HDAC4: variants seen among roughly 807,000 people sequenced by gnomAD.
HDAC4 encodes the protein histone deacetylase A.
A neutral mutation model predicts 135.1 loss-of-function variants in HDAC4; 16 were observed. The observed-to-expected ratio is 0.12, with a 90% CI of 0.08 to 0.18. The LOEUF (loss-of-function observed/expected upper bound fraction) is 0.18, where lower values mean the gene tolerates loss of function less well. Among genes scored for constraint, HDAC4 ranks in the 10% least tolerant of loss-of-function variants. The pLI is 1.00. For synonymous variants in HDAC4, 685 were observed against 653.4 expected, an observed-to-expected ratio of 1.05 and a Z score of -0.74; for missense variants, 1,143 against 1,511.8, an observed-to-expected ratio of 0.76 and a Z score of 4.05.
intron 19 of HDAC4, among the ~76,000 whole-genome samples, chr2:239,085,562 A>C (rs1574964066): frequency 6.6e-6 from 1 of 152,222 alleles, no homozygotes; most frequent in Admixed American, 6.5e-5. Flanking sequence ...ACTCAGGTTC[A>C]AATTAGAAAA....
intron 2 of HDAC4, among the ~76,000 whole-genome samples, chr2:239,328,757 C>A (rs554426548): frequency 6.6e-6 from 1 of 152,190 alleles, no homozygotes; most frequent in Non-Finnish European, 1.5e-5. Context: ...ACCTCTCGGG[C>A]GCCCGCTGGC....
At position 239,052,487 on chromosome 2, in the gene HDAC4, C is replaced by CTGTT. The variant is rs1211550260; in HGVS notation, c.*606_*609dup. ...AAGCCAGCTCCCCCAGCTCACATTC[C>CTGTT]TGTTTCTGTCCAGTTTTGTTTTCTT... On this transcript the variant is annotated 3_prime_UTR_variant, in exon 27 of 27. Transcript: ENST00000543185. 5 of 152,894 alleles carry CTGTT rather than the reference C, an allele frequency of 3.3e-5. No homozygotes were observed. Among genetic ancestry groups the CTGTT allele is most frequent in the African/African-American group, 1.2e-4 (5 of 41,456 alleles). The allele number at this position is 152,894 out of a possible 1,614,324, so 9.5% of individuals were successfully genotyped here. A position where few individuals can be genotyped will look rare whatever the true frequency, so the allele number is the denominator to read the frequency against.
rs186439681 is a variant in HDAC4 at position 239,169,255 on chromosome 2, C to A, written c.491-5332G>T. 2.2e-3 allele frequency among the ~76,000 whole-genome samples: 338 copies of A among 152,310 alleles called. 3 individuals carry two copies. Among genetic ancestry groups the A allele is most frequent in the African/African-American group, 7.7e-3 (322 of 41,568 alleles). ...CCAAAGAAAAATACATAGGATACAC[C>A]CTGGGCTACCGGCGAACCACAGAAG... On this transcript the variant is annotated intron_variant, in intron 5 of 26. Coordinates refer to ENST00000543185, the MANE Select transcript of HDAC4 (RefSeq NM_001378414.1).
chr2:239,348,118 C>T (rs866486321), intron 2 of HDAC4, among the ~76,000 whole-genome samples: 2 of 150,626 alleles, frequency 1.3e-5, no homozygotes, highest in Admixed American at 6.6e-5. Context: ...AGCATCATCC[C>T]GGTGACCACA....
Position 239,054,784 on chromosome 2 carries a change from G to A in HDAC4, c.3053C>T (p.Ala1018Val). The change falls in exon 25 of 27, where the codon GCT (alanine) becomes GTT (valine). Residue 1018 changes from alanine (A) to valine (V), a missense_variant. Ala to Val is a moderately conservative substitution (Grantham distance 64). Transcript: ENST00000543185. The stretch of plus-strand genomic sequence containing the variant: ...CATGACTTTCTCCATGGAACGGACA[G>A]CGTTTGCATTGGGTCTTTGCTGTAA... Reference protein sequence around the residue: ...KVLQQRPNANAVRSMEKVMEI... With the variant: ...KVLQQRPNANVVRSMEKVMEI... 1 of 1,613,686 alleles carries A rather than the reference G, an allele frequency of 6.2e-7. No individual in the cohort carries two copies. The highest frequency in any genetic ancestry group is 8.5e-7 in the Non-Finnish European group (1 of 1,179,622).
chr2:239,086,368 G>A (rs1047693943), intron 19 of HDAC4, among the ~76,000 whole-genome samples: 27 of 144,374 alleles, frequency 1.9e-4, no homozygotes, highest in African/African-American at 5.9e-4. Flanking sequence ...TGTACATGAA[G>A]GAGAATCTGC....
chr2:239,066,636 C>T, intron 24 of HDAC4, 86 bp downstream of exon 24: 13 of 1,596,382 alleles, frequency 8.1e-6, no homozygotes, highest in Non-Finnish European at 1.1e-5. Flanking sequence ...CTGGCTTTTT[C>T]ATGCTCTGGG....
At chr2:239,345,244 C>T (rs1692533463) in intron 2 of HDAC4, among the ~76,000 whole-genome samples, 1 of 152,092 alleles carries the variant, frequency 6.6e-6, no homozygotes, top group African/African-American at 2.4e-5. Flanking sequence ...CCTTTTCTGC[C>T]CCTTAAAACT....
At chr2:239,200,301 C>G (rs115331693) in intron 3 of HDAC4, among the ~76,000 whole-genome samples, 1 of 152,206 alleles carries the variant, frequency 6.6e-6, no homozygotes, top group Non-Finnish European at 1.5e-5. Context: ...ATTCCAAACG[C>G]TGACTTACAT....
intron 12 of HDAC4, among the ~76,000 whole-genome samples, chr2:239,125,999 T>C (rs912193615): frequency 4.6e-5 from 7 of 152,258 alleles, no homozygotes; most frequent in African/African-American, 1.7e-4. Context: ...CCGGATGGCC[T>C]GGGAGATGGG....
At chr2:239,372,922 G>A (rs116906474) in intron 1 of HDAC4, among the ~76,000 whole-genome samples, 251 of 152,108 alleles carry the variant, frequency 1.7e-3, no homozygotes, top group East Asian at 6.2e-3. Flanking sequence ...AGCATCTTCC[G>A]TTTCTCATTC....
chr2:239,271,203 T>A (rs2050040463), intron 2 of HDAC4, among the ~76,000 whole-genome samples: 1 of 152,146 alleles, frequency 6.6e-6, no homozygotes, highest in African/African-American at 2.4e-5. Flanking sequence ...AGCCTCGACT[T>A]CCTGGGCTCA....
chr2:239,092,288 G>T (rs989099761), intron 17 of HDAC4, among the ~76,000 whole-genome samples: 1 of 151,930 alleles, frequency 6.6e-6, no homozygotes, highest in Non-Finnish European at 1.5e-5. Flanking sequence ...TCGCAGGAGT[G>T]AGAGCTGGGC....
chr2:239,337,891 G>A (rs1692047923), intron 2 of HDAC4, among the ~76,000 whole-genome samples: 1 of 152,176 alleles, frequency 6.6e-6, no homozygotes, highest in Non-Finnish European at 1.5e-5. Context: ...AAGAGAACAA[G>A]AAATGCTGGC....
At chr2:239,136,292 G>GT (rs924624448) in intron 9 of HDAC4, among the ~76,000 whole-genome samples, 6 of 152,164 alleles carry the variant, frequency 3.9e-5, no homozygotes, top group African/African-American at 1.4e-4. Flanking sequence ...AAAATGCCAT[G>GT]TTTGTCTTTC....
intron 1 of HDAC4, among the ~76,000 whole-genome samples, chr2:239,375,441 C>G (rs1694937205): frequency 1.3e-5 from 2 of 152,180 alleles, no homozygotes. Context: ...CCCAACCCCA[C>G]CGTGAGGATG....
chr2:239,330,561 G>A (rs965215684), intron 2 of HDAC4, among the ~76,000 whole-genome samples: 1 of 152,216 alleles, frequency 6.6e-6, no homozygotes, highest in Non-Finnish European at 1.5e-5. Context: ...ACCGCGCACA[G>A]TGGTTGAAGG....
intron 3 of HDAC4, among the ~76,000 whole-genome samples, chr2:239,229,837 T>C (rs2047438862): frequency 6.6e-6 from 1 of 152,170 alleles, no homozygotes; most frequent in Non-Finnish European, 1.5e-5. Context: ...AAATGTCTCC[T>C]ATGGGACTTT....
chr2:239,118,400 C>T (rs566411827), intron 12 of HDAC4, among the ~76,000 whole-genome samples: 4 of 152,264 alleles, frequency 2.6e-5, no homozygotes, highest in Admixed American at 2.0e-4. Context: ...GGCCGGCCAT[C>T]GGCAGTGTGG....
Sources: gnomAD v4.1 joint callset for allele counts (sites outside exome capture counted in the v4.1 genomes callset) on GRCh38, gnomAD v4.1.1 for gene constraint, MANE v1.5 for transcripts, NCBI Gene and HGNC (gene_info 2026-07-23, HGNC 2026-07-21) for gene names.